Variants in NCOA3 observed in about 807,000 individuals in gnomAD.
The protein encoded by NCOA3 is CBP-interacting protein.
A neutral mutation model predicts 158.8 loss-of-function variants in NCOA3; 51 were observed. The observed-to-expected ratio is 0.32, with a 90% CI of 0.26 to 0.41. The LOEUF is 0.41. Among genes scored for constraint, NCOA3 ranks in the 10% least tolerant of loss-of-function variants. The probability of loss-of-function intolerance (pLI) is 1.00; values close to 1 mark genes in which losing one functional copy is unlikely to be tolerated. For synonymous variants in NCOA3, 537 were observed against 592.4 expected (o/e 0.91, Z 1.36); for missense variants, 1,510 against 1,746.6 (o/e 0.86, Z 2.41).
At chr20:47,611,522 G>A (rs1045343841) in intron 2 of NCOA3, among the ~76,000 whole-genome samples, 7 of 152,172 alleles carry the variant, frequency 4.6e-5, no homozygotes, top group East Asian at 1.9e-4. Flanking sequence ...CTCCTCGGCC[G>A]GGCTCATGCC....
At chr20:47,534,918 C>T (rs1445852733) in intron 1 of NCOA3, among the ~76,000 whole-genome samples, 2 of 146,924 alleles carry the variant, frequency 1.4e-5, no homozygotes, top group African/African-American at 2.5e-5. Context: ...CCATCTCTCT[C>T]TTTTTTTTTT....
intron 18 of NCOA3, among the ~76,000 whole-genome samples, chr20:47,648,689 T>A (rs1460619753): frequency 6.6e-6 from 1 of 152,130 alleles, no homozygotes; most frequent in Non-Finnish European, 1.5e-5. Flanking sequence ...GATCTCAGAC[T>A]CTTGGGCTCA....
At chr20:47,647,006 T>G in intron 17 of NCOA3, 67 bp from the exon 18 acceptor site, 1 of 1,474,848 alleles carries the variant, frequency 6.8e-7, no homozygotes, top group South Asian at 1.3e-5. Flanking sequence ...TGCACTTTCT[T>G]TAGAGCATTT....
chr20:47,540,897 G>A (rs1437542976), intron 1 of NCOA3, among the ~76,000 whole-genome samples: 5 of 152,130 alleles, frequency 3.3e-5, no homozygotes, highest in Non-Finnish European at 7.4e-5. Context: ...ATTCCTGGGA[G>A]ATATTTTCAG....
Position 47,637,733 on chromosome 20 carries a change from G to A in NCOA3, c.2462G>A (p.Gly821Asp). ...TACAATAATTCCATATCCTCAAATG[G>A]TAGTCATCTGGGGACTAAGCAACAG... The part of the protein sequence containing the change: ...DFYNNSISSN[G>D]SHLGTKQQVF... Residue 821 changes from glycine (G) to aspartate (D), a missense_variant, in exon 13 of 23, where the codon GGT (glycine) becomes GAT (aspartate). This residue lies in a region of NCOA3 where 1,017 missense variants were observed against 1,098.3 expected (regional missense o/e 0.93). Transcript: ENST00000371998. The A allele has an allele frequency of 1.9e-6, 3 of 1,611,400 alleles. No individual in the cohort carries two copies. Among genetic ancestry groups the A allele is most frequent in the Middle Eastern group, 1.7e-4 (1 of 6,052 alleles).
intron 2 of NCOA3, among the ~76,000 whole-genome samples, chr20:47,584,494 C>G (rs1358099883): frequency 1.3e-5 from 2 of 151,816 alleles, no homozygotes; most frequent in Non-Finnish European, 2.9e-5. Context: ...GTGGCGTGTG[C>G]CTGTAATCCC....
intron 1 of NCOA3, among the ~76,000 whole-genome samples, chr20:47,569,076 C>A (rs2085249603): frequency 6.6e-6 from 1 of 151,902 alleles, no homozygotes; most frequent in Non-Finnish European, 1.5e-5. Context: ...CACAGCCTCT[C>A]ATGCTGAGGC....
chr20:47,518,420 G>GTTTTTT (rs35593021), intron 1 of NCOA3, among the ~76,000 whole-genome samples: 2 of 132,896 alleles, frequency 1.5e-5, no homozygotes, highest in African/African-American at 2.8e-5. Context: ...TTCTTTTTCT[G>GTTTTTT]TTTTTTTTTT....
chr20:47,652,388 C>T lies in NCOA3; in HGVS notation c.3947-18C>T, dbSNP rs2086810188. On this transcript the variant is annotated intron_variant, in intron 20 of 22. Transcript: ENST00000371998. Reference sequence around the variant, plus strand: ...AGGCATTTGGGCATTTTTATTTCTTCTGTTTTATTTTTGTAAGGAATGGGA... The same window carrying T: ...AGGCATTTGGGCATTTTTATTTCTTTTGTTTTATTTTTGTAAGGAATGGGA... 8 of 1,574,738 alleles carry T rather than the reference C, an allele frequency of 5.1e-6. No homozygotes were observed. Among genetic ancestry groups the T allele is most frequent in the Non-Finnish European group, 7.0e-6 (8 of 1,149,944 alleles).
At chr20:47,560,184 A>G (rs2085074838) in intron 1 of NCOA3, among the ~76,000 whole-genome samples, 4 of 152,116 alleles carry the variant, frequency 2.6e-5, no homozygotes, top group Admixed American at 2.6e-4. Flanking sequence ...GTTTCAAGCA[A>G]TTCTCCTGCC....
chr20:47,524,109 C>T (rs182313706), intron 1 of NCOA3, among the ~76,000 whole-genome samples: 33 of 152,296 alleles, frequency 2.2e-4, no homozygotes, highest in Admixed American at 2.0e-3. Context: ...AATTTGTCTA[C>T]GGAAGACATT....
At chr20:47,568,376 A>G (rs2085233211) in intron 1 of NCOA3, among the ~76,000 whole-genome samples, 1 of 152,226 alleles carries the variant, frequency 6.6e-6, no homozygotes, top group Admixed American at 6.5e-5. Context: ...ATTGTGATAA[A>G]ATGAATATTG....
chr20:47,650,231 C>T (rs551220602), intron 19 of NCOA3, among the ~76,000 whole-genome samples: 74 of 151,146 alleles, frequency 4.9e-4, no homozygotes, highest in African/African-American at 1.5e-3. Flanking sequence ...TTCAGTTCTC[C>T]CTCCCTCCCC....
chr20:47,530,239 G>T (rs2084522795), intron 1 of NCOA3, among the ~76,000 whole-genome samples: 1 of 152,062 alleles, frequency 6.6e-6, no homozygotes, highest in African/African-American at 2.4e-5. Context: ...GGTTTTGATT[G>T]TTTTATTTCA....
At chr20:47,532,643 AT>A (rs1195672558) in intron 1 of NCOA3, among the ~76,000 whole-genome samples, 1 of 151,268 alleles carries the variant, frequency 6.6e-6, no homozygotes, top group Admixed American at 6.6e-5. Context: ...AATTAAAAAA[AT>A]TTTTTTTTCT....
chr20:47,599,643 A>G (rs1425144914), intron 2 of NCOA3, among the ~76,000 whole-genome samples: 1 of 152,206 alleles, frequency 6.6e-6, no homozygotes, highest in Non-Finnish European at 1.5e-5. Context: ...TACTTTCCTC[A>G]TGACACTGAT....
chr20:47,583,402 T>C (rs776364638), intron 2 of NCOA3, 141 bp downstream of exon 2: 16 of 387,950 alleles, frequency 4.1e-5, no homozygotes, highest in Non-Finnish European at 6.8e-5. Context: ...ATTAAATGAA[T>C]GTGCTTAGAG....
At chr20:47,571,002 G>GTGTA (rs1464626672) in intron 1 of NCOA3, among the ~76,000 whole-genome samples, 1 of 141,912 alleles carries the variant, frequency 7.0e-6, no homozygotes, top group African/African-American at 2.7e-5. Flanking sequence ...GTGTGTGTGT[G>GTGTA]TATATACATT....
chr20:47,509,718 G>C (rs569527566), intron 1 of NCOA3, among the ~76,000 whole-genome samples: 11 of 152,054 alleles, frequency 7.2e-5, no homozygotes, highest in Non-Finnish European at 1.5e-4. Flanking sequence ...GACCAGCCTG[G>C]GCAACATAGC....
Sources: allele counts gnomAD v4.1 joint callset (sites outside exome capture counted in the v4.1 genomes callset), GRCh38; gene constraint gnomAD v4.1.1; regional missense constraint gnomAD v4.1.1; transcripts MANE v1.5; gene names NCBI Gene and HGNC (gene_info 2026-07-23, HGNC 2026-07-21).